The following ME3 variants were observed in gnomAD, a reference collection of about 807,000 sequenced individuals.
ME3 encodes the protein NADP-dependent malic enzyme, mitochondrial.
ME3 carries 48 observed loss-of-function variants against 68.9 expected under a neutral mutation model. The observed-to-expected ratio is 0.70, with a 90% CI of 0.55 to 0.89. ME3 has a LOEUF of 0.89. ME3 is among the 40% of genes least tolerant of loss of function. The probability of loss-of-function intolerance (pLI) is 0.00; values close to 1 mark genes in which losing one functional copy is unlikely to be tolerated. For missense variants in ME3, 675 were observed against 797.4 expected (o/e 0.85, Z 1.85); for synonymous variants, 320 against 318.8 (o/e 1.00, Z -0.04).
intron 7 of ME3, among the ~76,000 whole-genome samples, chr11:86,469,466 C>G (rs910955791): frequency 1.6e-4 from 25 of 152,154 alleles, no homozygotes; most frequent in African/African-American, 6.0e-4. Flanking sequence ...AGGCAGGACC[C>G]CTCCCAAGAA....
intron 2 of ME3, among the ~76,000 whole-genome samples, chr11:86,668,472 G>C (rs887378561): frequency 2.0e-5 from 3 of 152,094 alleles, no homozygotes; most frequent in Admixed American, 6.5e-5. Flanking sequence ...CTCATAGTCT[G>C]AACAATTCCA....
At chr11:86,471,210 G>A (rs1950768536) in intron 7 of ME3, among the ~76,000 whole-genome samples, 1 of 140,518 alleles carries the variant, frequency 7.1e-6, no homozygotes, top group African/African-American at 2.7e-5. Context: ...GAGTGCAGTG[G>A]CAACCTCCTC....
At chr11:86,448,297 C>T in intron 10 of ME3, 42 bp from the exon 11 acceptor site, 1 of 1,454,136 alleles carries the variant, frequency 6.9e-7, no homozygotes, top group South Asian at 1.1e-5. Context: ...TCGTGATGGC[C>T]TGTTGGGTAG....
intron 7 of ME3, among the ~76,000 whole-genome samples, chr11:86,482,968 G>T (rs933888714): frequency 2.6e-5 from 4 of 152,196 alleles, no homozygotes; most frequent in Non-Finnish European, 4.4e-5. Flanking sequence ...ATTTAGGATG[G>T]TTTTTTAACA....
intron 2 of ME3, among the ~76,000 whole-genome samples, chr11:86,577,200 CT>C (rs1958165002): frequency 6.6e-6 from 1 of 152,186 alleles, no homozygotes; most frequent in African/African-American, 2.4e-5. Flanking sequence ...TCAGACAGCA[CT>C]GAGTCCATTT....
Position 86,446,869 on chromosome 11 carries a change from G to A in ME3, c.1380+196C>T, listed in dbSNP as rs550332278. 4.0e-5 allele frequency: 28 copies of A among 706,726 alleles called. No individual in the cohort carries two copies. The East Asian group carries it at 5.7e-4, about 14-fold the overall frequency. The allele number at this position is 706,726 out of a possible 1,614,324, so 43.8% of individuals were successfully genotyped here. On this transcript the variant is annotated intron_variant, in intron 12 of 14. Transcript: ENST00000543262. ...AGCATAGCACAAATGTAAGAACTTG[G>A]GCTTTGGAGTCAGACCTGGGTTTGA...
chr11:86,615,057 C>A (rs1279160771), intron 2 of ME3, among the ~76,000 whole-genome samples: 1 of 152,096 alleles, frequency 6.6e-6, no homozygotes, highest in Non-Finnish European at 1.5e-5. Flanking sequence ...TATGAAAAAC[C>A]AAGAGCTATA....
intron 2 of ME3, among the ~76,000 whole-genome samples, chr11:86,643,841 G>A (rs1027200445): frequency 2.6e-5 from 4 of 152,200 alleles, no homozygotes; most frequent in African/African-American, 9.6e-5. Flanking sequence ...AGGGAATCTG[G>A]AAATGAGACT....
At chr11:86,475,931 C>A (rs1170416648) in intron 7 of ME3, among the ~76,000 whole-genome samples, 1 of 146,964 alleles carries the variant, frequency 6.8e-6, no homozygotes, top group African/African-American at 2.5e-5. Context: ...AGAGCAGTGA[C>A]CCTCTATGCT....
intron 2 of ME3, among the ~76,000 whole-genome samples, chr11:86,563,570 T>C (rs1957340407): frequency 1.3e-5 from 2 of 152,216 alleles, no homozygotes; most frequent in Non-Finnish European, 2.9e-5. Context: ...TTGAGGATTT[T>C]TTTATAGTTT....
intron 4 of ME3, among the ~76,000 whole-genome samples, chr11:86,530,516 AC>A: frequency 6.6e-6 from 1 of 152,312 alleles, no homozygotes; most frequent in African/African-American, 2.4e-5. Context: ...TTCATATGGA[AC>A]CAAAAAATAG....
intron 6 of ME3, among the ~76,000 whole-genome samples, chr11:86,493,703 G>A (rs914049072): frequency 1.3e-5 from 2 of 152,176 alleles, no homozygotes; most frequent in Non-Finnish European, 2.9e-5. Flanking sequence ...GGATCATGGC[G>A]CCACATATTT....
intron 8 of ME3, among the ~76,000 whole-genome samples, chr11:86,450,995 A>T (rs1949600851): frequency 6.6e-6 from 1 of 152,158 alleles, no homozygotes; most frequent in African/African-American, 2.4e-5. Context: ...CTCACTGGGG[A>T]TTCCTTAAGA....
intron 7 of ME3, 144 bp from the exon 8 acceptor site, chr11:86,465,344 T>C (rs2138735545): frequency 1.5e-6 from 1 of 667,664 alleles, no homozygotes; most frequent in Non-Finnish European, 2.8e-6. Flanking sequence ...TTGCCACTGG[T>C]TGGCTCCTGG....
intron 4 of ME3, among the ~76,000 whole-genome samples, chr11:86,532,619 C>A (rs1955338056): frequency 6.6e-6 from 1 of 152,130 alleles, no homozygotes; most frequent in Non-Finnish European, 1.5e-5. Flanking sequence ...CTCTGAACAA[C>A]CCTTAGGTCA....
intron 2 of ME3, among the ~76,000 whole-genome samples, chr11:86,594,401 G>A (rs1000543474): frequency 6.9e-6 from 1 of 145,926 alleles, no homozygotes; most frequent in Non-Finnish European, 1.5e-5. Flanking sequence ...ATCCAAAGTT[G>A]GTCTCCTAGC....
chr11:86,517,316 A>G (rs1347541276), intron 4 of ME3, among the ~76,000 whole-genome samples: 2 of 152,106 alleles, frequency 1.3e-5, no homozygotes, highest in African/African-American at 2.4e-5. Flanking sequence ...TCCAGATAAG[A>G]CTACTTCATT....
chr11:86,551,995 A>G (rs1956712359), intron 4 of ME3, among the ~76,000 whole-genome samples: 1 of 152,128 alleles, frequency 6.6e-6, no homozygotes, highest in African/African-American at 2.4e-5. Context: ...CAAACAACAG[A>G]GTGTGGCGGT....
intron 2 of ME3, among the ~76,000 whole-genome samples, chr11:86,648,948 A>C (rs548142036): frequency 8.5e-4 from 130 of 152,204 alleles, no homozygotes; most frequent in African/African-American, 3.1e-3. Flanking sequence ...AAAAAGAAGG[A>C]CTCTGCCCTG....
Sources: allele counts gnomAD v4.1 joint callset (sites outside exome capture counted in the v4.1 genomes callset), GRCh38; gene constraint gnomAD v4.1.1; transcripts MANE v1.5; gene names NCBI Gene and HGNC (gene_info 2026-07-23, HGNC 2026-07-21).